The following SMG5 variants were observed in gnomAD, a reference collection of about 807,000 sequenced individuals.
SMG5 encodes SMG5 nonsense mediated mRNA decay factor.
In SMG5, 53 loss-of-function variants were observed where a neutral mutation model predicts 122.9. The ratio of observed to expected loss-of-function variants is 0.43; its 90% CI spans 0.35 to 0.54. The LOEUF (loss-of-function observed/expected upper bound fraction) is 0.54, where lower values mean the gene tolerates loss of function less well. Among genes scored for constraint, SMG5 ranks in the 20% least tolerant of loss-of-function variants. The probability of loss-of-function intolerance (pLI) is 0.01; values close to 1 mark genes in which losing one functional copy is unlikely to be tolerated. For missense variants in SMG5, 1,153 were observed against 1,285.6 expected, an observed-to-expected ratio of 0.90 and a Z score of 1.58; for synonymous variants, 477 against 490.2, an observed-to-expected ratio of 0.97 and a Z score of 0.35.
chr1:156,265,435 T>C (rs1167505950), intron 12 of SMG5, among the ~76,000 whole-genome samples: 1 of 152,150 alleles, frequency 6.6e-6, no homozygotes, highest in African/African-American at 2.4e-5. Context: ...CCTGCGCTGG[T>C]GGGTACCAGT....
intron 11 of SMG5, 71 bp downstream of exon 11, chr1:156,266,470 T>C (rs1662149881): frequency 6.2e-7 from 1 of 1,608,924 alleles, no homozygotes; most frequent in Non-Finnish European, 8.5e-7. Flanking sequence ...CCCCCGAGTC[T>C]GTGTTCCTTT....
chr1:156,276,980 ACTCT>A, intron 4 of SMG5, 101 bp downstream of exon 4: 7 of 1,142,106 alleles, frequency 6.1e-6, no homozygotes, highest in Non-Finnish European at 8.8e-6. Context: ...TTCTGCTAGA[ACTCT>A]CTCTGCCTGG....
chr1:156,288,226 G>A, the SMG5 span, among the ~76,000 whole-genome samples: 1 of 151,080 alleles, frequency 6.6e-6, no homozygotes, highest in African/African-American at 2.4e-5. Flanking sequence ...ATCCTTAGGG[G>A]TATTTTCACA....
upstream of SMG5, chr1:156,285,836 G>C: frequency 6.2e-7 from 1 of 1,613,652 alleles, no homozygotes. Context: ...TGTGGCCTCC[G>C]TGGGAGCCGC....
intron 15 of SMG5, among the ~76,000 whole-genome samples, chr1:156,259,718 T>C (rs1572577549): frequency 6.6e-6 from 1 of 152,080 alleles, no homozygotes; most frequent in African/African-American, 2.4e-5. Flanking sequence ...TTGATAGAAA[T>C]GGGGTCCTGC....
chr1:156,264,267 CAAAA>C (rs1205363773), intron 12 of SMG5, among the ~76,000 whole-genome samples: 7 of 53,976 alleles, frequency 1.3e-4, no homozygotes, highest in South Asian at 1.1e-3. Context: ...GACTCCGTCT[CAAAA>C]AAAAAAAAAA....
intron 15 of SMG5, among the ~76,000 whole-genome samples, 166 bp from the exon 16 acceptor site, chr1:156,259,329 A>G (rs1190416432): frequency 6.6e-6 from 1 of 152,074 alleles, no homozygotes; most frequent in African/African-American, 2.4e-5. Context: ...GGAAGGAGAA[A>G]CACTAAGGCC....
At chr1:156,287,991 G>A in the SMG5 span, among the ~76,000 whole-genome samples, 2 of 151,832 alleles carry the variant, frequency 1.3e-5, no homozygotes, top group Non-Finnish European at 2.9e-5. Flanking sequence ...GAGGCGGGCA[G>A]ATCATGAGGT....
intron 4 of SMG5, among the ~76,000 whole-genome samples, chr1:156,276,791 A>T (rs929762129): frequency 2.0e-5 from 3 of 152,246 alleles, no homozygotes; most frequent in Non-Finnish European, 4.4e-5. Context: ...GCCAAATTCA[A>T]CTGGGAGAAG....
At chr1:156,289,807 C>T in the SMG5 span, among the ~76,000 whole-genome samples, 1 of 152,176 alleles carries the variant, frequency 6.6e-6, no homozygotes, top group Non-Finnish European at 1.5e-5. Flanking sequence ...GAGGAAGTTG[C>T]TCTCCCCTCC....
In SMG5 at chr1:156,277,075, T is replaced by A; in HGVS notation, c.454+10A>T. 3.1e-6 allele frequency: 5 copies of A among 1,610,388 alleles called. No homozygotes were observed. Among genetic ancestry groups the A allele is most frequent in the Non-Finnish European group, 4.2e-6 (5 of 1,177,930 alleles). ...AACCTGCTCAAGTCCACCTTTCAGG[T>A]TCCACTGACCTATGAGGGGGTCAGT... On this transcript the variant is annotated intron_variant, in intron 4 of 21. Transcript: ENST00000361813.
intron 1 of SMG5, 54 bp downstream of exon 1, chr1:156,282,553 T>C: frequency 7.6e-7 from 1 of 1,319,548 alleles, no homozygotes; most frequent in South Asian, 1.2e-5. Context: ...GCCCCGCCCC[T>C]CGCCGTCTCC....
chr1:156,272,265 C>G, intron 7 of SMG5, 55 bp downstream of exon 7: 2 of 1,502,510 alleles, frequency 1.3e-6, no homozygotes, highest in South Asian at 1.2e-5. Flanking sequence ...GAAAACAAAG[C>G]CAAAATAATA....
upstream of SMG5, chr1:156,285,989 C>T (rs753468609): frequency 1.9e-6 from 3 of 1,594,218 alleles, no homozygotes; most frequent in Non-Finnish European, 2.6e-6. Context: ...GCTGGGTGAG[C>T]CTGTGAGAAG....
chr1:156,287,348 G>A (rs1453604203), upstream of SMG5, among the ~76,000 whole-genome samples: 5 of 152,080 alleles, frequency 3.3e-5, no homozygotes, highest in African/African-American at 9.7e-5. Context: ...CCTGGGAGGC[G>A]GAGGTTGCAG....
intron 16 of SMG5, among the ~76,000 whole-genome samples, chr1:156,256,612 C>T (rs539746432): frequency 6.4e-4 from 97 of 152,092 alleles, no homozygotes; most frequent in Non-Finnish European, 1.1e-3. Context: ...GAGTGAGATC[C>T]GCCTGGACCC....
At chr1:156,286,571 T>G, upstream of SMG5, 1 of 1,228,218 alleles carries the variant, frequency 8.1e-7, no homozygotes, top group Non-Finnish European at 1.2e-6. Context: ...GCTTTCCGGA[T>G]TCTACACTGG....
intron 7 of SMG5, among the ~76,000 whole-genome samples, chr1:156,269,734 G>T (rs756967023): frequency 6.6e-6 from 1 of 152,146 alleles, no homozygotes; most frequent in Non-Finnish European, 1.5e-5. Flanking sequence ...AATTAGCCGG[G>T]CGTGTTGGCA....
intron 16 of SMG5, among the ~76,000 whole-genome samples, chr1:156,254,355 CA>C (rs1661483475): frequency 6.6e-6 from 1 of 152,194 alleles, no homozygotes; most frequent in African/African-American, 2.4e-5. Flanking sequence ...GGGTAAAGCC[CA>C]AATTCCTTAG....
Sources: gnomAD v4.1 joint callset for allele counts (sites outside exome capture counted in the v4.1 genomes callset) on GRCh38, gnomAD v4.1.1 for gene constraint, MANE v1.5 for transcripts, NCBI Gene and HGNC (gene_info 2026-07-23, HGNC 2026-07-21) for gene names.